EHBP1: variants seen among roughly 807,000 people sequenced by gnomAD.
EHBP1 encodes EH domain binding protein 1.
Under a neutral mutation model 144.0 loss-of-function variants are expected in EHBP1, and 55 were observed. The observed-to-expected ratio is 0.38, with a 90% CI of 0.31 to 0.48. The LOEUF (loss-of-function observed/expected upper bound fraction) is 0.48, where lower values mean the gene tolerates loss of function less well. Among genes scored for constraint, EHBP1 ranks in the 20% least tolerant of loss-of-function variants. EHBP1 has a pLI of 0.98. For synonymous variants in EHBP1, 469 were observed against 472.7 expected, an observed-to-expected ratio of 0.99 and a Z score of 0.10; for missense variants, 1,200 against 1,364.2, an observed-to-expected ratio of 0.88 and a Z score of 1.90.
chr2:62,924,315 T>C (rs1269579192), intron 10 of EHBP1, among the ~76,000 whole-genome samples: 1 of 151,924 alleles, frequency 6.6e-6, no homozygotes, highest in African/African-American at 2.4e-5. Flanking sequence ...AACCTAACAA[T>C]GCACTAGAAA....
intron 1 of EHBP1, among the ~76,000 whole-genome samples, chr2:62,685,716 T>A (rs1234896722): frequency 1.3e-5 from 2 of 152,188 alleles, no homozygotes; most frequent in African/African-American, 2.4e-5. Flanking sequence ...CCAGAGCTTA[T>A]AAGCGGCAGC....
At chr2:62,830,476 A>G (rs2046750759) in intron 6 of EHBP1, among the ~76,000 whole-genome samples, 1 of 151,956 alleles carries the variant, frequency 6.6e-6, no homozygotes, top group Non-Finnish European at 1.5e-5. Flanking sequence ...TCTTTAGCCC[A>G]CTTTTTGATG....
intron 13 of EHBP1, among the ~76,000 whole-genome samples, chr2:62,950,091 C>T (rs150393540): frequency 6.6e-6 from 1 of 151,604 alleles, no homozygotes; most frequent in Non-Finnish European, 1.5e-5. Context: ...TAGAATCCAG[C>T]TCTTCTGAAT....
intron 2 of EHBP1, among the ~76,000 whole-genome samples, chr2:62,735,038 C>G (rs2037989359): frequency 1.3e-5 from 2 of 152,082 alleles, no homozygotes; most frequent in South Asian, 4.1e-4. Flanking sequence ...GTAGCTGGAA[C>G]CACAGGCATG....
chr2:62,969,622 A>T (rs895903924), intron 14 of EHBP1, among the ~76,000 whole-genome samples: 2 of 152,072 alleles, frequency 1.3e-5, no homozygotes, highest in Non-Finnish European at 2.9e-5. Context: ...TATGTATCTT[A>T]AACAAATCCA....
chr2:62,961,254 T>C (rs1486226393), intron 14 of EHBP1, among the ~76,000 whole-genome samples: 1 of 152,244 alleles, frequency 6.6e-6, no homozygotes, highest in African/African-American at 2.4e-5. Context: ...AGGACTACCA[T>C]TGCATATTTT....
intron 1 of EHBP1, among the ~76,000 whole-genome samples, chr2:62,686,884 A>G (rs1009128681): frequency 2.0e-5 from 3 of 152,206 alleles, no homozygotes; most frequent in African/African-American, 7.2e-5. Context: ...TTTGTCAAGC[A>G]CTTACTATGT....
At position 62,881,209 on chromosome 2, in the gene EHBP1, A is replaced by G. The variant is rs184716660; in HGVS notation, c.1185+6677A>G. 2.5e-3 allele frequency among the ~76,000 whole-genome samples: 384 copies of G among 152,144 alleles called. 3 individuals carry two copies. The highest frequency in any genetic ancestry group is 8.7e-3 in the African/African-American group (360 of 41,514). ...AAACATTAAGTACACATGGACACAA[A>G]GAAGGGAACAATAGACACTGGGGCC... On this transcript the variant is annotated intron_variant, in intron 10 of 22. Coordinates refer to ENST00000431489, the MANE Select transcript of EHBP1 (RefSeq NM_001142616.3).
chr2:62,889,755 A>G (rs565722678), intron 10 of EHBP1, among the ~76,000 whole-genome samples: 37 of 151,574 alleles, frequency 2.4e-4, no homozygotes, highest in African/African-American at 7.5e-4. Flanking sequence ...CCATTGGTCT[A>G]TTTTTGTACT....
chr2:62,754,146 G>C (rs1010823706), intron 3 of EHBP1, among the ~76,000 whole-genome samples: 1 of 152,148 alleles, frequency 6.6e-6, no homozygotes, highest in African/African-American at 2.4e-5. Context: ...GGTCTTTGAT[G>C]ATGGTGACAT....
chr2:62,683,615 C>T (rs747741054), intron 1 of EHBP1, among the ~76,000 whole-genome samples: 58 of 140,246 alleles, frequency 4.1e-4, no homozygotes, highest in Admixed American at 1.2e-3. Flanking sequence ...GCTGAGATCG[C>T]GCCACTGCAC....
chr2:62,808,532 T>C (rs1367641311), intron 5 of EHBP1, among the ~76,000 whole-genome samples: 2 of 152,220 alleles, frequency 1.3e-5, no homozygotes, highest in Non-Finnish European at 2.9e-5. Flanking sequence ...GCTGTCTGCT[T>C]TATCTATTAG....
chr2:62,797,503 C>T (rs2043622716), intron 5 of EHBP1, among the ~76,000 whole-genome samples: 1 of 152,152 alleles, frequency 6.6e-6, no homozygotes, highest in Non-Finnish European at 1.5e-5. Context: ...TGTTAGTGTA[C>T]TTATCTTTGC....
intron 13 of EHBP1, among the ~76,000 whole-genome samples, chr2:62,950,532 G>GA (rs997004039): frequency 6.6e-6 from 1 of 151,818 alleles, no homozygotes; most frequent in African/African-American, 2.4e-5. Context: ...ACTTCTAAAT[G>GA]AAAAAAATAT....
At chr2:62,686,157 C>T (rs920518164) in intron 1 of EHBP1, among the ~76,000 whole-genome samples, 4 of 152,170 alleles carry the variant, frequency 2.6e-5, no homozygotes, top group Admixed American at 2.0e-4. Context: ...GAAATGCCCA[C>T]TTGCCCAGTG....
intron 5 of EHBP1, among the ~76,000 whole-genome samples, chr2:62,810,471 T>C (rs2152529579): frequency 6.6e-6 from 1 of 152,218 alleles, no homozygotes; most frequent in South Asian, 2.1e-4. Flanking sequence ...TGATGAGTCT[T>C]GAGATTGAGA....
chr2:62,896,431 G>GTGTA (rs2152929782), intron 10 of EHBP1, among the ~76,000 whole-genome samples: 1 of 152,248 alleles, frequency 6.6e-6, no homozygotes, highest in Admixed American at 6.5e-5. Context: ...AGTTAAGTTA[G>GTGTA]TGTATGTATG....
Position 63,045,264 on chromosome 2 carries a change from C to T in EHBP1, c.3392+84C>T, listed in dbSNP as rs963632011. 15 of 1,413,612 alleles carry T rather than the reference C, an allele frequency of 1.1e-5. No individual in the cohort carries two copies. Among genetic ancestry groups the T allele is most frequent in the Non-Finnish European group, 1.5e-5 (15 of 1,024,672 alleles). 87.6% of individuals were successfully genotyped at this position (1,413,612 alleles called of 1,614,324 possible). The stretch of plus-strand genomic sequence containing the variant: ...TGCGGAAAGTTCAATCCAGAGGTCG[C>T]GGGAGGGCCGGGGCAGCCTCCCACT... On this transcript the variant is annotated intron_variant, in intron 22 of 22. Coordinates refer to ENST00000431489, the MANE Select transcript of EHBP1 (RefSeq NM_001142616.3). This position sits in a 1 kb window ranked among gnomAD's most constrained non-coding sequence, Gnocchi z 5.7.
At chr2:62,863,959 G>C (rs898689650) in intron 8 of EHBP1, among the ~76,000 whole-genome samples, 5 of 144,138 alleles carry the variant, frequency 3.5e-5, no homozygotes, top group African/African-American at 1.3e-4. Flanking sequence ...CGATTCTCCT[G>C]CCTCAGCCTC....
Sources: allele counts gnomAD v4.1 joint callset (sites outside exome capture counted in the v4.1 genomes callset), GRCh38; gene constraint gnomAD v4.1.1; non-coding constraint Gnocchi (gnomAD v3.1); transcripts MANE v1.5; gene names NCBI Gene and HGNC (gene_info 2026-07-23, HGNC 2026-07-21).